The following BACH2 variants were observed in gnomAD, a reference collection of about 807,000 sequenced individuals.
BACH2 encodes the protein transcription regulator protein BACH2.
A neutral mutation model predicts 61.8 loss-of-function variants in BACH2; 5 were observed. The ratio of observed to expected loss-of-function variants is 0.08; its 90% CI spans 0.04 to 0.17. The LOEUF is 0.17. BACH2 is among the 10% of genes least tolerant of loss of function. The pLI is 1.00. For synonymous variants in BACH2, 446 were observed against 440.1 expected (o/e 1.01, Z -0.17); for missense variants, 824 against 1,091.1 (o/e 0.76, Z 3.45).
intron 4 of BACH2, among the ~76,000 whole-genome samples, chr6:90,171,715 G>A (rs1053215192): frequency 7.9e-5 from 12 of 152,060 alleles, no homozygotes; most frequent in Non-Finnish European, 1.6e-4. Context: ...ATCATCAAAG[G>A]CTTTAGCTAT....
At chr6:89,964,040 ACT>A (rs1253598824) in intron 6 of BACH2, among the ~76,000 whole-genome samples, 1 of 151,876 alleles carries the variant, frequency 6.6e-6, no homozygotes, top group African/African-American at 2.4e-5. Context: ...TGAATATCAC[ACT>A]CTGGGGACTG....
chr6:90,199,033 T>G (rs116904777), intron 4 of BACH2, among the ~76,000 whole-genome samples: 475 of 152,368 alleles, frequency 3.1e-3, no homozygotes, highest in Non-Finnish European at 5.1e-3. Context: ...ACTTCACTCC[T>G]CCTCACCTTC....
chr6:90,206,219 TC>T (rs1769139632), intron 4 of BACH2, among the ~76,000 whole-genome samples: 2 of 152,158 alleles, frequency 1.3e-5, no homozygotes, highest in Non-Finnish European at 2.9e-5. Flanking sequence ...AGGCCACTTG[TC>T]TAGGGTCACT....
At chr6:90,090,307 A>G (rs768229077) in intron 4 of BACH2, among the ~76,000 whole-genome samples, 17 of 152,150 alleles carry the variant, frequency 1.1e-4, no homozygotes, top group Non-Finnish European at 2.4e-4. Context: ...ATATTTCTGA[A>G]TATCAGATTG....
intron 7 of BACH2, among the ~76,000 whole-genome samples, chr6:89,942,169 C>T (rs1039651355): frequency 1.4e-5 from 2 of 144,438 alleles, no homozygotes; most frequent in Non-Finnish European, 3.0e-5. Context: ...GCGGGGGTCT[C>T]TGAGGTGTTC....
At position 89,951,521 on chromosome 6, in the gene BACH2, G is replaced by A. The variant is rs753076394; in HGVS notation, c.585C>T (p.Ala195=). 3.7e-6 allele frequency: 6 copies of A among 1,614,208 alleles called. No homozygotes were observed. Among genetic ancestry groups the A allele is most frequent in the Middle Eastern group, 1.6e-4 (1 of 6,062 alleles). ...MLPEPISFEA[A]AIPVAEKEEA... The stretch of plus-strand genomic sequence containing the variant: ...CTTCCTTCTCTGCTACGGGGATGGC[G>A]GCGGCCTCAAAGCTGATGGGCTCTG... Residue 195 remains alanine (A), a synonymous_variant, in exon 7 of 9, where the codon GCC becomes GCT. Transcript: ENST00000257749. This position sits in a 1 kb window ranked among gnomAD's most constrained non-coding sequence, Gnocchi z 6.4.
chr6:90,084,699 T>C (rs1582332205), intron 5 of BACH2, among the ~76,000 whole-genome samples: 1 of 152,296 alleles, frequency 6.6e-6, no homozygotes, highest in East Asian at 1.9e-4. Flanking sequence ...CTAATTTATA[T>C]ATATTGTACT....
At chr6:90,146,396 CCAGTGGTGTCTGTCCT>C (rs1435844653) in intron 4 of BACH2, among the ~76,000 whole-genome samples, 1 of 152,224 alleles carries the variant, frequency 6.6e-6, no homozygotes, top group Non-Finnish European at 1.5e-5. Context: ...TCCTTGTTTT[CCAGTGGTGTCTGTCCT>C]CAAGGACCAA....
At chr6:90,014,462 ATATATATTTTTTTTTT>A (rs1456947502) in intron 5 of BACH2, among the ~76,000 whole-genome samples, 10 of 65,176 alleles carry the variant, frequency 1.5e-4, no homozygotes, top group African/African-American at 8.5e-4. Flanking sequence ...ATATATATAT[ATATATATTTTTTTTTT>A]TTTTTTTTTT....
In BACH2 at chr6:90,215,535, C is replaced by T. The variant is rs942881088; in HGVS notation, c.-274-8854G>A. Among the ~76,000 whole-genome samples the T allele has an allele frequency of 2.0e-5, 3 of 151,956 alleles. No homozygotes were observed. In the East Asian group the frequency reaches 5.8e-4, roughly 29 times the overall value. On this transcript the variant is annotated intron_variant, in intron 3 of 8. Coordinates refer to ENST00000257749, the MANE Select transcript of BACH2 (RefSeq NM_021813.4). ...TGAAAATATTTAACCAATATAATAC[C>T]TTAGGACTTTTTGGGGTGGGTGGTC...
Position 90,008,109 on chromosome 6 carries a change from G to A in BACH2, c.243+493C>T, listed in dbSNP as rs3857495. ...ACCTGAGTGGGCTGTTTTCAACAAC[G>A]GTGAGAAAAGCAAGTTTACACTTCT... On this transcript the variant is annotated intron_variant, in intron 6 of 8. Coordinates refer to ENST00000257749, the MANE Select transcript of BACH2 (RefSeq NM_021813.4). The surrounding 1 kb of genome is among the most constrained non-coding windows in gnomAD (Gnocchi z 4.1). 1,039 of 167,440 alleles carry A rather than the reference G, an allele frequency of 6.2e-3. 10 individuals carry two copies. The highest frequency in any genetic ancestry group is 0.024 in the African/African-American group (987 of 41,710). 10.4% of individuals were successfully genotyped at this position (167,440 alleles called of 1,614,324 possible).
rs139302774 is a variant in BACH2 at position 90,200,574 on chromosome 6, A to G, written c.-162+5995T>C. 9.9e-3 allele frequency among the ~76,000 whole-genome samples: 1,509 copies of G among 152,242 alleles called. 10 individuals carry two copies. Among genetic ancestry groups the G allele is most frequent in the Middle Eastern group, 0.044 (13 of 294 alleles). On this transcript the variant is annotated intron_variant, in intron 4 of 8. Transcript: ENST00000257749. ...ATCTGCTCACTAAATATCTTCATCC[A>G]TTTGCACCTCAAATGCAAAACAGCT... is the stretch of plus-strand genomic sequence containing the variant.
At chr6:90,122,138 C>T (rs1783654028) in intron 4 of BACH2, among the ~76,000 whole-genome samples, 2 of 152,220 alleles carry the variant, frequency 1.3e-5, no homozygotes, top group African/African-American at 4.8e-5. Flanking sequence ...TGACACACGT[C>T]CAGGCAAAGC....
intron 4 of BACH2, among the ~76,000 whole-genome samples, chr6:90,091,577 C>T (rs13212084): frequency 0.43 from 65,077 of 151,972 alleles, 16,869 homozygotes; most frequent in East Asian, 0.82. Flanking sequence ...TACAGGATAA[C>T]TGGTATAGAG....
At chr6:90,057,864 A>T (rs894929608) in intron 5 of BACH2, among the ~76,000 whole-genome samples, 3 of 152,210 alleles carry the variant, frequency 2.0e-5, no homozygotes, top group Non-Finnish European at 2.9e-5. Context: ...ACAGAACCAA[A>T]GACAAAAATC....
At chr6:90,104,525 C>T (rs1223286722) in intron 4 of BACH2, 2 of 152,196 alleles carry the variant, frequency 1.3e-5, no homozygotes, top group Non-Finnish European at 2.9e-5. Flanking sequence ...GCCCCTAGAC[C>T]CAGGCAAGGA....
chr6:89,946,678 A>T (rs1391143494), intron 7 of BACH2, among the ~76,000 whole-genome samples: 1 of 152,210 alleles, frequency 6.6e-6, no homozygotes, highest in Non-Finnish European at 1.5e-5. Context: ...GCTACGTGAA[A>T]AAAGGAAGCT....
intron 3 of BACH2, among the ~76,000 whole-genome samples, chr6:90,208,958 A>T (rs760673067): frequency 1.6e-4 from 24 of 152,006 alleles, no homozygotes; most frequent in Non-Finnish European, 3.4e-4. Context: ...CAAGAAGGGA[A>T]AACTAAACAC....
At chr6:90,183,385 T>A (rs1768233801) in intron 4 of BACH2, among the ~76,000 whole-genome samples, 1 of 152,246 alleles carries the variant, frequency 6.6e-6, no homozygotes. Context: ...GTAAAACTGT[T>A]GACTGGCTGT....
Sources: gnomAD v4.1 joint callset for allele counts (sites outside exome capture counted in the v4.1 genomes callset) on GRCh38, gnomAD v4.1.1 for gene constraint, Gnocchi (gnomAD v3.1) non-coding constraint, MANE v1.5 for transcripts, NCBI Gene and HGNC (gene_info 2026-07-23, HGNC 2026-07-21) for gene names.